ELSPBP1: variants seen among roughly 807,000 people sequenced by gnomAD.
ELSPBP1 encodes epididymal sperm-binding protein 1.
In ELSPBP1, 38 loss-of-function variants were observed where a neutral mutation model predicts 33.3. That is an observed-to-expected ratio of 1.14 (90% CI 0.88 to 1.50). ELSPBP1 has a LOEUF of 1.50. Among genes scored for constraint, ELSPBP1 ranks in the 40% most tolerant of loss-of-function variants. The probability of loss-of-function intolerance (pLI) is 0.00; values close to 1 mark genes in which losing one functional copy is unlikely to be tolerated. For missense variants in ELSPBP1, 267 were observed against 263.5 expected, an observed-to-expected ratio of 1.01 and a Z score of -0.09; for synonymous variants, 85 against 94.1, an observed-to-expected ratio of 0.90 and a Z score of 0.56.
intron 6 of ELSPBP1, among the ~76,000 whole-genome samples, chr19:48,022,887 C>CA (rs10695720): frequency 0.3 from 42,826 of 140,510 alleles, 6,622 homozygotes; most frequent in African/African-American, 0.36. Flanking sequence ...CCTGTCTCTA[C>CA]AAAAAAAAAA....
chr19:48,009,281 C>G (rs888715847), intron 2 of ELSPBP1, among the ~76,000 whole-genome samples: 2 of 152,078 alleles, frequency 1.3e-5, no homozygotes, highest in African/African-American at 4.8e-5. Flanking sequence ...ATTTATCTCA[C>G]GGGGTTATTT....
rs562799982 is a variant in ELSPBP1, at chr19:48,000,620, C to T, written c.-18+5809C>T. 2.6e-5 allele frequency among the ~76,000 whole-genome samples: 4 copies of T among 152,128 alleles called. No individual in the cohort carries two copies. In the South Asian group the frequency reaches 8.3e-4, roughly 32 times the overall value. ...ATTCCATAACACTCTGAAGGTCACA[C>T]GGATGAGCAGAAATTCGTATACAGG... On this transcript the variant is annotated intron_variant, in intron 1 of 6. Coordinates refer to ENST00000339841, the MANE Select transcript of ELSPBP1 (RefSeq NM_022142.5).
chr19:48,001,101 C>T (rs1966962768), intron 1 of ELSPBP1, among the ~76,000 whole-genome samples: 1 of 152,022 alleles, frequency 6.6e-6, no homozygotes, highest in South Asian at 2.1e-4. Context: ...GGCTCGTGGC[C>T]TCTTCCTGGC....
intron 6 of ELSPBP1, among the ~76,000 whole-genome samples, chr19:48,024,033 GC>G (rs1967243642): frequency 1.1e-5 from 1 of 95,152 alleles, no homozygotes; most frequent in Admixed American, 1.3e-4. Flanking sequence ...ACCATGCCCA[GC>G]AATTTTTTTT....
At chr19:48,000,194 C>A (rs948811359) in intron 1 of ELSPBP1, among the ~76,000 whole-genome samples, 19 of 151,402 alleles carry the variant, frequency 1.3e-4, no homozygotes, top group African/African-American at 3.6e-4. Context: ...TGTATCATTT[C>A]ATTCTTCCCC....
chr19:48,002,872 A>G (rs2122294598), intron 1 of ELSPBP1, among the ~76,000 whole-genome samples: 1 of 152,274 alleles, frequency 6.6e-6, no homozygotes, highest in East Asian at 1.9e-4. Flanking sequence ...CCCCTCTGAC[A>G]TTTACACAGT....
intron 3 of ELSPBP1, among the ~76,000 whole-genome samples, chr19:48,015,631 C>T (rs992594318): frequency 2.0e-5 from 3 of 152,126 alleles, no homozygotes; most frequent in Admixed American, 2.0e-4. Flanking sequence ...GCACTCTAAT[C>T]TGGGCAACAG....
intron 3 of ELSPBP1, among the ~76,000 whole-genome samples, chr19:48,014,898 C>A (rs1967115434): frequency 6.6e-6 from 1 of 152,064 alleles, no homozygotes; most frequent in South Asian, 2.1e-4. Context: ...CCCAATAGAA[C>A]CATCCCATCT....
intron 1 of ELSPBP1, among the ~76,000 whole-genome samples, chr19:48,003,256 AC>A (rs1405018656): frequency 6.6e-6 from 1 of 152,184 alleles, no homozygotes; most frequent in African/African-American, 2.4e-5. Context: ...AGAGTCATAA[AC>A]CTTCCAGACC....
At chr19:48,013,436 G>C (rs1393078350) in intron 2 of ELSPBP1, among the ~76,000 whole-genome samples, 1 of 152,178 alleles carries the variant, frequency 6.6e-6, no homozygotes, top group Non-Finnish European at 1.5e-5. Context: ...AATACCACAG[G>C]CCAGGCATGG....
At chr19:48,000,483 C>T (rs145427817) in intron 1 of ELSPBP1, among the ~76,000 whole-genome samples, 2 of 152,228 alleles carry the variant, frequency 1.3e-5, no homozygotes, top group African/African-American at 4.8e-5. Flanking sequence ...TTGTGATTCG[C>T]CCTCCTCGGC....
At position 48,004,064 on chromosome 19, in the gene ELSPBP1, C is replaced by T. The variant is rs535373675; in HGVS notation, c.-17-4587C>T. On this transcript the variant is annotated intron_variant, in intron 1 of 6. Transcript: ENST00000339841. ...GTTCAAGCGATTTTCCTGGCTCAGCCTCCCGAGTAGCTGGAATTACAGGCA... is the reference window on the plus strand; with the variant it reads ...GTTCAAGCGATTTTCCTGGCTCAGCTTCCCGAGTAGCTGGAATTACAGGCA... Among the ~76,000 whole-genome samples the T allele has an allele frequency of 4.6e-5, 7 of 151,948 alleles. No homozygotes were observed. In the South Asian group the frequency reaches 1.5e-3, roughly 32 times the overall value.
intron 1 of ELSPBP1, among the ~76,000 whole-genome samples, chr19:48,001,258 A>G (rs1268031262): frequency 6.7e-6 from 1 of 149,162 alleles, no homozygotes; most frequent in African/African-American, 2.5e-5. Flanking sequence ...GCAACCTCTA[A>G]CTCCCTGGTT....
intron 1 of ELSPBP1, among the ~76,000 whole-genome samples, chr19:47,997,680 CA>C (rs1286839034): frequency 5.3e-5 from 8 of 152,072 alleles, no homozygotes; most frequent in Non-Finnish European, 7.4e-5. Context: ...CTCAGCCTCC[CA>C]AAGTGCTGGG....
At chr19:47,999,092 C>G (rs550390000) in intron 1 of ELSPBP1, among the ~76,000 whole-genome samples, 1 of 152,168 alleles carries the variant, frequency 6.6e-6, no homozygotes, top group Non-Finnish European at 1.5e-5. Flanking sequence ...GTGGCTGACT[C>G]TAGGTTTTGG....
chr19:48,016,850 C>T (rs978489550), intron 4 of ELSPBP1, among the ~76,000 whole-genome samples: 2 of 152,082 alleles, frequency 1.3e-5, no homozygotes, highest in Non-Finnish European at 2.9e-5. Flanking sequence ...CCATCCGCCT[C>T]GGCCTCCCAA....
At chr19:48,018,241 G>A (rs772822545) in intron 4 of ELSPBP1, among the ~76,000 whole-genome samples, 7 of 152,114 alleles carry the variant, frequency 4.6e-5, no homozygotes, top group South Asian at 2.1e-4. Context: ...CAGGAAATTC[G>A]TGCCTGGGAA....
chr19:48,014,019 C>G (rs915709522), intron 2 of ELSPBP1, 152 bp from the exon 3 acceptor site: 102 of 868,184 alleles, frequency 1.2e-4, no homozygotes, highest in Middle Eastern at 4.6e-4. Context: ...GTACCATGAC[C>G]GTGGGGGTTA....
chr19:48,003,768 A>G (rs914470451), intron 1 of ELSPBP1, among the ~76,000 whole-genome samples: 2 of 150,804 alleles, frequency 1.3e-5, no homozygotes, highest in African/African-American at 2.4e-5. Context: ...CTGGTCTCGA[A>G]CACCTGACCT....
Sources: allele counts gnomAD v4.1 joint callset (sites outside exome capture counted in the v4.1 genomes callset), GRCh38; gene constraint gnomAD v4.1.1; transcripts MANE v1.5; gene names NCBI Gene and HGNC (gene_info 2026-07-23, HGNC 2026-07-21).